MYO5A: variants seen among roughly 807,000 people sequenced by gnomAD.
MYO5A encodes the protein myosin VA, also known as unconventional myosin-Va.
In MYO5A, 98 loss-of-function variants were observed where a neutral mutation model predicts 249.7. The observed-to-expected ratio is 0.39, with a 90% CI of 0.33 to 0.46. The LOEUF is 0.46. MYO5A is among the 20% of genes least tolerant of loss of function. The pLI is 0.98. For missense variants in MYO5A, 1,696 were observed against 2,308.8 expected (o/e 0.73, Z 5.44); for synonymous variants, 778 against 810.6 (o/e 0.96, Z 0.68).
chr15:52,446,919 G>A (rs2075903793), intron 1 of MYO5A, among the ~76,000 whole-genome samples: 1 of 152,188 alleles, frequency 6.6e-6, no homozygotes, highest in Non-Finnish European at 1.5e-5. Flanking sequence ...TATCTTGGCA[G>A]TAGTCAACTT....
At chr15:52,419,406 CTT>C (rs2141262794) in intron 4 of MYO5A, among the ~76,000 whole-genome samples, 1 of 152,272 alleles carries the variant, frequency 6.6e-6, no homozygotes, top group South Asian at 2.1e-4. Context: ...TAATCTCTCT[CTT>C]GTTAGAGAGA....
intron 34 of MYO5A, among the ~76,000 whole-genome samples, chr15:52,332,359 T>C (rs2038930510): frequency 6.6e-6 from 1 of 152,174 alleles, no homozygotes; most frequent in Non-Finnish European, 1.5e-5. Flanking sequence ...AATTGTAAGA[T>C]ACACCCCAAT....
intron 1 of MYO5A, among the ~76,000 whole-genome samples, chr15:52,521,280 T>A (rs990020259): frequency 6.6e-6 from 1 of 151,510 alleles, no homozygotes; most frequent in African/African-American, 2.4e-5. Flanking sequence ...TTCATCTTTC[T>A]AAACTAGAGA....
At chr15:52,463,974 T>C (rs902087622) in intron 1 of MYO5A, among the ~76,000 whole-genome samples, 3 of 152,256 alleles carry the variant, frequency 2.0e-5, no homozygotes, top group Non-Finnish European at 4.4e-5. Flanking sequence ...CAATTACATT[T>C]GAGAACATGG....
At chr15:52,355,882 T>C (rs1286363882) in intron 25 of MYO5A, among the ~76,000 whole-genome samples, 2 of 152,322 alleles carry the variant, frequency 1.3e-5, no homozygotes, top group Non-Finnish European at 2.9e-5. Flanking sequence ...TAGTTCTTAA[T>C]AAACTGAAGG....
chr15:52,470,389 C>T (rs190607233), intron 1 of MYO5A, among the ~76,000 whole-genome samples: 7 of 152,268 alleles, frequency 4.6e-5, no homozygotes, highest in East Asian at 1.9e-4. Context: ...CAGTGGCTCA[C>T]GCCTGTAAAA....
At chr15:52,385,566 A>G (rs2041937935) in intron 14 of MYO5A, among the ~76,000 whole-genome samples, 1 of 151,506 alleles carries the variant, frequency 6.6e-6, no homozygotes, top group East Asian at 1.9e-4. Flanking sequence ...ATAATTCCAT[A>G]TATATATATA....
chr15:52,314,132 A>G lies in MYO5A; in HGVS notation c.5481T>C (p.Arg1827=). ...FEERVSVSFI[R]TIQMRLRDRK... ...AGATGGGAGCTCTTACCTGTATAGT[A>G]CGAATGAACGACACAGAGACTCTTT... is the stretch of plus-strand genomic sequence containing the variant. The change falls in exon 41 of 42, where the codon CGT becomes CGC. Residue 1827 remains arginine (R), a synonymous_variant. Coordinates refer to ENST00000399233, the MANE Select transcript of MYO5A (RefSeq NM_001382347.1). 6.2e-7 allele frequency: 1 copy of G among 1,607,120 alleles called. No homozygotes were observed. Among genetic ancestry groups the G allele is most frequent in the Non-Finnish European group, 8.5e-7 (1 of 1,174,282 alleles).
At position 52,469,179 on chromosome 15, in the gene MYO5A, C is replaced by T. The variant is rs916040864; in HGVS notation, c.28-35894G>A. 2.6e-5 allele frequency among the ~76,000 whole-genome samples: 4 copies of T among 152,232 alleles called. No homozygotes were observed. The South Asian group carries it at 8.3e-4, about 32-fold the overall frequency. On this transcript the variant is annotated intron_variant, in intron 1 of 41. Transcript: ENST00000399233. ...TAATATACAGTTGACCCTTGAACAA[C>T]ATGTGGGTAAGCAGTGCCAATCCCC...
At chr15:52,485,948 ATTATT>A (rs907070286) in intron 1 of MYO5A, among the ~76,000 whole-genome samples, 2 of 152,222 alleles carry the variant, frequency 1.3e-5, no homozygotes, top group African/African-American at 2.4e-5. Flanking sequence ...TCAACACAAA[ATTATT>A]TTAAGTTGCT....
At chr15:52,491,713 G>A (rs550721348) in intron 1 of MYO5A, among the ~76,000 whole-genome samples, 6 of 152,150 alleles carry the variant, frequency 3.9e-5, no homozygotes, top group East Asian at 1.9e-4. Context: ...TTAATCAAAC[G>A]GAAATTAAGG....
chr15:52,450,017 A>T (rs1190923213), intron 1 of MYO5A, among the ~76,000 whole-genome samples: 1 of 152,066 alleles, frequency 6.6e-6, no homozygotes. Flanking sequence ...AAAAAATTGA[A>T]TTCAGGCTCA....
chr15:52,403,946 C>G (rs1370066349), intron 9 of MYO5A, among the ~76,000 whole-genome samples: 18 of 152,100 alleles, frequency 1.2e-4, no homozygotes, highest in Admixed American at 1.2e-3. Context: ...CCATCTAGCT[C>G]TTGGCCCTTG....
chr15:52,400,367 A>G (rs2042697811), intron 9 of MYO5A, among the ~76,000 whole-genome samples: 1 of 152,122 alleles, frequency 6.6e-6, no homozygotes, highest in South Asian at 2.1e-4. Context: ...TATATTTTAA[A>G]CTTTTTATCT....
chr15:52,431,104 C>A (rs966627073), intron 2 of MYO5A, among the ~76,000 whole-genome samples: 1 of 151,046 alleles, frequency 6.6e-6, no homozygotes, highest in African/African-American at 2.4e-5. Context: ...TGGTGGCATG[C>A]GCCTGTAATC....
chr15:52,434,378 C>T (rs1420171865), intron 1 of MYO5A, among the ~76,000 whole-genome samples: 1 of 152,064 alleles, frequency 6.6e-6, no homozygotes, highest in East Asian at 1.9e-4. Context: ...CTTCAGGAGC[C>T]ATCACAGTAG....
At chr15:52,402,583 G>A (rs950506485) in intron 9 of MYO5A, among the ~76,000 whole-genome samples, 1 of 152,116 alleles carries the variant, frequency 6.6e-6, no homozygotes, top group African/African-American at 2.4e-5. Flanking sequence ...AGTGGCTCAT[G>A]CCTGTAATCC....
chr15:52,430,646 C>A (rs2075508513), intron 2 of MYO5A, among the ~76,000 whole-genome samples: 1 of 152,068 alleles, frequency 6.6e-6, no homozygotes, highest in African/African-American at 2.4e-5. Context: ...CCTAGTCTTG[C>A]TTTTATTAAA....
In MYO5A at chr15:52,330,401, C is replaced by G. The variant is rs369990767; in HGVS notation, c.4507G>C (p.Glu1503Gln). The G allele has an allele frequency of 6.2e-7, 1 of 1,614,006 alleles. No individual in the cohort carries two copies. The highest frequency in any genetic ancestry group is 1.3e-5 in the African/African-American group (1 of 74,916). ...RKEKDFQGML[E>Q]YKKEDEQKLV... is the part of the protein sequence containing the mutation. ...TTTTGCTCATCCTCCTTCTTGTATTCCAGCATCCCTTGGAAATCCTTTTCT... is the reference window on the plus strand; with the variant it reads ...TTTTGCTCATCCTCCTTCTTGTATTGCAGCATCCCTTGGAAATCCTTTTCT... Residue 1503 changes from glutamate to glutamine, a missense_variant, in exon 35 of 42, where the codon GAA becomes CAA. Glu to Gln is a conservative substitution (Grantham distance 29, BLOSUM62 2). This residue lies in a region of MYO5A where 625 missense variants were observed against 908.1 expected (regional missense o/e 0.69). Coordinates refer to ENST00000399233, the MANE Select transcript of MYO5A (RefSeq NM_001382347.1).
Sources: allele counts gnomAD v4.1 joint callset (sites outside exome capture counted in the v4.1 genomes callset), GRCh38; gene constraint gnomAD v4.1.1; regional missense constraint gnomAD v4.1.1; transcripts MANE v1.5; gene names NCBI Gene and HGNC (gene_info 2026-07-23, HGNC 2026-07-21).